DCC: variants seen among roughly 807,000 people sequenced by gnomAD.
DCC encodes the protein netrin receptor DCC.
DCC carries 58 observed loss-of-function variants against 172.5 expected under a neutral mutation model. The observed-to-expected ratio is 0.34, with a 90% CI of 0.27 to 0.42. DCC has a LOEUF of 0.42. Among genes scored for constraint, DCC ranks in the 10% least tolerant of loss-of-function variants. DCC has a pLI of 1.00. For synonymous variants in DCC, 709 were observed against 644.5 expected, an observed-to-expected ratio of 1.10 and a Z score of -1.52; for missense variants, 1,740 against 1,791.0, an observed-to-expected ratio of 0.97 and a Z score of 0.51.
intron 1 of DCC, among the ~76,000 whole-genome samples, chr18:52,483,455 G>A (rs2144587827): frequency 6.6e-6 from 1 of 152,018 alleles, no homozygotes; most frequent in South Asian, 2.1e-4. Flanking sequence ...TAAATTTTCT[G>A]AAACATCACA....
At chr18:53,110,912 G>T (rs1410700478) in intron 7 of DCC, among the ~76,000 whole-genome samples, 1 of 123,942 alleles carries the variant, frequency 8.1e-6, no homozygotes, top group African/African-American at 3.2e-5. Flanking sequence ...TATACCCAAA[G>T]GACTATAAAT....
At chr18:52,450,251 C>G (rs1374299477) in intron 1 of DCC, among the ~76,000 whole-genome samples, 2 of 152,104 alleles carry the variant, frequency 1.3e-5, no homozygotes, top group African/African-American at 4.8e-5. Context: ...ATTAAACTTG[C>G]TTATATGAAT....
At chr18:53,178,594 CG>C (rs1050516131) in intron 8 of DCC, among the ~76,000 whole-genome samples, 13 of 152,160 alleles carry the variant, frequency 8.5e-5, no homozygotes, top group Non-Finnish European at 4.4e-5. Flanking sequence ...TGTCATTAGC[CG>C]GATGTTTACA....
intron 21 of DCC, among the ~76,000 whole-genome samples, chr18:53,434,835 G>C (rs1181813579): frequency 6.6e-6 from 1 of 152,158 alleles, no homozygotes; most frequent in Non-Finnish European, 1.5e-5. Context: ...ATAGCATTTA[G>C]ACCGGCACTG....
chr18:52,964,992 T>G lies in DCC; in HGVS notation c.985+39622T>G, dbSNP rs114720595. 368 of 152,294 alleles carry G rather than the reference T, an allele frequency of 2.4e-3. 2 individuals carry two copies. The highest frequency in any genetic ancestry group is 8.4e-3 in the African/African-American group (351 of 41,560). 9.4% of individuals were successfully genotyped at this position (152,294 alleles called of 1,614,324 possible). ...GATCCCTGCTTCTGTTTCTACTTCTTCACTCTCTGATCTTACCCTTTTGCA... is the reference window on the plus strand; with the variant it reads ...GATCCCTGCTTCTGTTTCTACTTCTGCACTCTCTGATCTTACCCTTTTGCA... On this transcript the variant is annotated intron_variant, in intron 5 of 28. Coordinates refer to ENST00000442544, the MANE Select transcript of DCC (RefSeq NM_005215.4).
intron 1 of DCC, among the ~76,000 whole-genome samples, chr18:52,654,617 G>C (rs1306399746): frequency 6.6e-6 from 1 of 152,118 alleles, no homozygotes; most frequent in Admixed American, 6.6e-5. Context: ...ACACTGGAAA[G>C]ATTGGATTAA....
intron 24 of DCC, among the ~76,000 whole-genome samples, chr18:53,463,059 T>C (rs1182420842): frequency 6.6e-6 from 1 of 152,256 alleles, no homozygotes; most frequent in Admixed American, 6.5e-5. Flanking sequence ...ACAAATCCCT[T>C]TTGCAGGAAC....
chr18:52,640,734 C>G lies in DCC; in HGVS notation c.92-111320C>G, dbSNP rs965796462. 4.0e-4 allele frequency among the ~76,000 whole-genome samples: 61 copies of G among 151,728 alleles called. 1 individual carries two copies. The highest frequency in any genetic ancestry group is 5.9e-5 in the Non-Finnish European group (4 of 67,914). On this transcript the variant is annotated intron_variant, in intron 1 of 28. Transcript: ENST00000442544. ...CATAGATCACACAAACAAATGGAAA[C>G]ACATCAAATGTTCATGGATGGGTAG...
intron 1 of DCC, among the ~76,000 whole-genome samples, chr18:52,540,657 A>C (rs1051322322): frequency 2.6e-5 from 3 of 116,900 alleles, no homozygotes; most frequent in African/African-American, 1.0e-4. Context: ...CCCAAGCCGG[A>C]GTGCAGTGGC....
chr18:52,904,207 G>T (rs1021108394), intron 2 of DCC, among the ~76,000 whole-genome samples: 2 of 152,172 alleles, frequency 1.3e-5, no homozygotes, highest in Non-Finnish European at 2.9e-5. Flanking sequence ...GCATGGTATA[G>T]CATTAATCTT....
intron 2 of DCC, among the ~76,000 whole-genome samples, chr18:52,780,545 C>A (rs1016172442): frequency 1.3e-5 from 2 of 151,818 alleles, no homozygotes; most frequent in East Asian, 1.9e-4. Flanking sequence ...AACTGAAGAC[C>A]CCCCAAAGCA....
intron 1 of DCC, among the ~76,000 whole-genome samples, chr18:52,479,590 C>G (rs1221970): frequency 7.5e-6 from 1 of 134,092 alleles, no homozygotes. Flanking sequence ...ACCCCCCCCC[C>G]GTCTCCCTTC....
intron 1 of DCC, among the ~76,000 whole-genome samples, chr18:52,524,122 A>C (rs562828892): frequency 1.6e-4 from 25 of 152,192 alleles, no homozygotes; most frequent in Admixed American, 3.9e-4. Context: ...TAAAGATAAA[A>C]ATTATAATTT....
intron 1 of DCC, among the ~76,000 whole-genome samples, chr18:52,655,620 CT>C (rs1414013278): frequency 6.6e-6 from 1 of 151,700 alleles, no homozygotes; most frequent in African/African-American, 2.4e-5. Flanking sequence ...TGAAAATGGC[CT>C]ATAAAATCCA....
intron 1 of DCC, among the ~76,000 whole-genome samples, chr18:52,524,829 T>C (rs907134587): frequency 2.6e-5 from 4 of 152,128 alleles, no homozygotes; most frequent in Non-Finnish European, 5.9e-5. Flanking sequence ...TCAGATAGCA[T>C]ATAATAGAAG....
At chr18:52,474,903 C>T (rs939463513) in intron 1 of DCC, among the ~76,000 whole-genome samples, 2 of 152,156 alleles carry the variant, frequency 1.3e-5, no homozygotes, top group African/African-American at 2.4e-5. Context: ...TGGACTTTAC[C>T]ATTTGGTCTT....
At chr18:53,070,305 G>A (rs1388250144) in intron 7 of DCC, among the ~76,000 whole-genome samples, 2 of 152,054 alleles carry the variant, frequency 1.3e-5, no homozygotes, top group East Asian at 1.9e-4. Context: ...CAGCCAATAA[G>A]GGCTTTTAAA....
At chr18:52,920,048 A>G (rs2040098147) in intron 3 of DCC, among the ~76,000 whole-genome samples, 3 of 151,398 alleles carry the variant, frequency 2.0e-5, no homozygotes, top group Non-Finnish European at 2.9e-5. Flanking sequence ...GAATCCAGAC[A>G]TACCTTTCAC....
chr18:52,725,503 C>G (rs372805306), intron 1 of DCC, among the ~76,000 whole-genome samples: 2 of 152,146 alleles, frequency 1.3e-5, no homozygotes, highest in African/African-American at 2.4e-5. Flanking sequence ...CTGTGCCATG[C>G]GGGCTGCCAC....
Sources: allele counts gnomAD v4.1 joint callset (sites outside exome capture counted in the v4.1 genomes callset), GRCh38; gene constraint gnomAD v4.1.1; transcripts MANE v1.5; gene names NCBI Gene and HGNC (gene_info 2026-07-23, HGNC 2026-07-21).